CDK14: variants seen among roughly 807,000 people sequenced by gnomAD.
The protein encoded by CDK14 is cyclin-dependent kinase 14.
A neutral mutation model predicts 60.7 loss-of-function variants in CDK14; 34 were observed. That is an observed-to-expected ratio of 0.56 (90% CI 0.43 to 0.75). CDK14 has a LOEUF of 0.75. CDK14 is among the 30% of genes least tolerant of loss of function. CDK14 has a pLI of 0.00. For synonymous variants in CDK14, 197 were observed against 203.7 expected, an observed-to-expected ratio of 0.97 and a Z score of 0.28; for missense variants, 482 against 564.1, an observed-to-expected ratio of 0.85 and a Z score of 1.47.
chr7:91,169,882 C>T (rs1801460838), intron 14 of CDK14, among the ~76,000 whole-genome samples: 1 of 152,204 alleles, frequency 6.6e-6, no homozygotes. Context: ...CCTACTCGGC[C>T]CAAATAGCAT....
chr7:90,920,266 T>C (rs1362226194), intron 8 of CDK14, among the ~76,000 whole-genome samples: 1 of 151,824 alleles, frequency 6.6e-6, no homozygotes, highest in Non-Finnish European at 1.5e-5. Context: ...TTAAAAATGG[T>C]TTCTTTGTCT....
chr7:90,678,449 C>T (rs746488257), intron 2 of CDK14, among the ~76,000 whole-genome samples: 38 of 152,246 alleles, frequency 2.5e-4, no homozygotes, highest in Non-Finnish European at 4.6e-4. Flanking sequence ...TGTTTGTGTT[C>T]GTCTCTTCCA....
chr7:90,922,943 C>G (rs1323548741), intron 8 of CDK14, among the ~76,000 whole-genome samples: 1 of 152,096 alleles, frequency 6.6e-6, no homozygotes, highest in East Asian at 1.9e-4. Flanking sequence ...GCCTCCCCCA[C>G]TATTAACATC....
intron 10 of CDK14, among the ~76,000 whole-genome samples, chr7:91,032,952 A>G (rs1796805514): frequency 6.6e-6 from 1 of 152,244 alleles, no homozygotes; most frequent in Non-Finnish European, 1.5e-5. Flanking sequence ...AACTGAAATG[A>G]ATATTTAAAT....
At chr7:90,737,279 A>G (rs532063825) in intron 3 of CDK14, among the ~76,000 whole-genome samples, 4 of 152,328 alleles carry the variant, frequency 2.6e-5, no homozygotes, top group Admixed American at 6.5e-5. Flanking sequence ...TAAAGAGGGC[A>G]TATTTTCAGA....
intron 10 of CDK14, among the ~76,000 whole-genome samples, chr7:91,041,200 T>C (rs1304964265): frequency 1.3e-5 from 2 of 151,572 alleles, no homozygotes; most frequent in Non-Finnish European, 2.9e-5. Flanking sequence ...TTAACAGATG[T>C]TAAATAGTCT....
chr7:90,903,915 A>C (rs1792606669), intron 7 of CDK14, among the ~76,000 whole-genome samples: 1 of 152,104 alleles, frequency 6.6e-6, no homozygotes, highest in South Asian at 2.1e-4. Flanking sequence ...CAAGGAGGAG[A>C]GGCCAAGATT....
At chr7:90,909,847 G>T (rs1274884809) in intron 7 of CDK14, among the ~76,000 whole-genome samples, 1 of 152,130 alleles carries the variant, frequency 6.6e-6, no homozygotes, top group African/African-American at 2.4e-5. Context: ...AAATTAAATT[G>T]TTACATTATC....
chr7:90,697,288 A>G (rs1240443986), intron 2 of CDK14, among the ~76,000 whole-genome samples: 6 of 152,028 alleles, frequency 3.9e-5, no homozygotes, highest in East Asian at 1.9e-4. Context: ...CTTAGCTTTA[A>G]TATCTACAGT....
intron 2 of CDK14, among the ~76,000 whole-genome samples, chr7:90,671,596 C>T (rs921226976): frequency 4.6e-5 from 7 of 152,036 alleles, no homozygotes; most frequent in Middle Eastern, 3.4e-3. Flanking sequence ...ATAGCAAGCT[C>T]GTATATTTTT....
intron 2 of CDK14, among the ~76,000 whole-genome samples, chr7:90,622,159 A>G (rs1417182255): frequency 6.6e-6 from 1 of 152,222 alleles, no homozygotes; most frequent in Non-Finnish European, 1.5e-5. Context: ...TAGAGCAGGT[A>G]TTTACTATTA....
chr7:90,806,143 G>T (rs1259384371), intron 5 of CDK14, among the ~76,000 whole-genome samples: 1 of 152,104 alleles, frequency 6.6e-6, no homozygotes, highest in African/African-American at 2.4e-5. Context: ...ACTCAAAATT[G>T]ATCAAAGACC....
intron 11 of CDK14, among the ~76,000 whole-genome samples, chr7:91,046,852 CTTCTCT>C (rs1470362425): frequency 6.6e-6 from 1 of 152,070 alleles, no homozygotes; most frequent in Admixed American, 6.6e-5. Flanking sequence ...TATTATTTTG[CTTCTCT>C]TCCCCTCTTT....
chr7:90,757,536 G>T (rs1804129798), intron 4 of CDK14, among the ~76,000 whole-genome samples: 1 of 151,228 alleles, frequency 6.6e-6, no homozygotes, highest in Admixed American at 6.6e-5. Flanking sequence ...TTACCTATTG[G>T]TTCTTTTTAA....
At chr7:90,649,272 CTTTCTTT>C (rs1563029684) in intron 2 of CDK14, among the ~76,000 whole-genome samples, 3 of 47,530 alleles carry the variant, frequency 6.3e-5, no homozygotes, top group Non-Finnish European at 1.2e-4. Context: ...TTCTTTCTTT[CTTTCTTT>C]CTTTCTTTCT....
chr7:90,802,365 A>G (rs1454769735), intron 5 of CDK14, among the ~76,000 whole-genome samples: 1 of 152,196 alleles, frequency 6.6e-6, no homozygotes, highest in Non-Finnish European at 1.5e-5. Flanking sequence ...GTTTTTAAAG[A>G]CACTATTTGT....
At chr7:90,786,729 C>T (rs1295671383) in intron 4 of CDK14, among the ~76,000 whole-genome samples, 2 of 149,926 alleles carry the variant, frequency 1.3e-5, no homozygotes, top group Non-Finnish European at 3.0e-5. Context: ...CTATCCTGGG[C>T]AACATAGTGA....
chr7:91,077,571 G>A (rs565921527), intron 11 of CDK14, among the ~76,000 whole-genome samples: 1 of 152,112 alleles, frequency 6.6e-6, no homozygotes, highest in Admixed American at 6.6e-5. Flanking sequence ...ATGACGGGTA[G>A]ATAGGTGCAG....
chr7:90,901,057 C>G (rs1199684494), intron 7 of CDK14, among the ~76,000 whole-genome samples: 1 of 152,120 alleles, frequency 6.6e-6, no homozygotes, highest in Admixed American at 6.6e-5. Flanking sequence ...AAATGGGTCT[C>G]AAGGTTACTG....
Sources: allele counts gnomAD v4.1 joint callset (sites outside exome capture counted in the v4.1 genomes callset), GRCh38; gene constraint gnomAD v4.1.1; transcripts MANE v1.5; gene names NCBI Gene and HGNC (gene_info 2026-07-23, HGNC 2026-07-21).